PDGFRB: variants seen among roughly 807,000 people sequenced by gnomAD.
PDGFRB encodes platelet-derived growth factor receptor beta.
In PDGFRB, 42 loss-of-function variants were observed where a neutral mutation model predicts 120.2. That is an observed-to-expected ratio of 0.35 (90% CI 0.27 to 0.45). The LOEUF (loss-of-function observed/expected upper bound fraction) is 0.45. Among genes scored for constraint, PDGFRB ranks in the 20% least tolerant of loss-of-function variants. PDGFRB has a pLI of 1.00. For missense variants in PDGFRB, 1,149 were observed against 1,476.3 expected (o/e 0.78, Z 3.63); for synonymous variants, 586 against 606.8 (o/e 0.97, Z 0.50).
At chr5:150,138,036 AAGAC>A (rs1198226159) in intron 1 of PDGFRB, among the ~76,000 whole-genome samples, 1 of 146,860 alleles carries the variant, frequency 6.8e-6, no homozygotes, top group Non-Finnish European at 1.5e-5. Context: ...AGCAAGGACA[AAGAC>A]AGAGACAGAC....
At position 150,118,882 on chromosome 5, in the gene PDGFRB, T is replaced by TG. The variant is rs759710799; in HGVS notation, c.2799-31dup. 10 of 1,403,256 alleles carry TG rather than the reference T, an allele frequency of 7.1e-6. No homozygotes were observed. In the African/African-American group the frequency reaches 1.4e-4, roughly 20 times the overall value. 86.9% of individuals were successfully genotyped at this position (1,403,256 alleles called of 1,614,324 possible). ...GGATAGGGAGAAGGGTCAGGGCCTC[T>TG]GGCCCAGGGTTCAGGGGACAAGGCA... On this transcript the variant is annotated intron_variant, in intron 20 of 22. Coordinates refer to ENST00000261799, the MANE Select transcript of PDGFRB (RefSeq NM_002609.4).
intron 11 of PDGFRB, 64 bp from the exon 12 acceptor site, chr5:150,125,641 TCGTC>T: frequency 6.4e-7 from 1 of 1,560,116 alleles, no homozygotes; most frequent in Non-Finnish European, 8.8e-7. Context: ...CCCATTAGGT[TCGTC>T]CGTCTAGGAC....
chr5:150,117,610 G>T lies in PDGFRB; in HGVS notation c.3137+8C>A, dbSNP rs779978147. 30 of 1,533,876 alleles carry T rather than the reference G, an allele frequency of 2.0e-5. No homozygotes were observed. Among genetic ancestry groups the T allele is most frequent in the Non-Finnish European group, 4.5e-6 (5 of 1,108,214 alleles). On this transcript the variant is annotated splice_region_variant and intron_variant, in intron 22 of 22. Coordinates refer to ENST00000261799, the MANE Select transcript of PDGFRB (RefSeq NM_002609.4). ...ACAATTTCCTTGGCCCCAGGCCAGG[G>T]TGGTTACCTGGCTAGGCTGGGGGAA...
intron 1 of PDGFRB, among the ~76,000 whole-genome samples, chr5:150,151,861 CA>C (rs57873398): frequency 0.24 from 17,557 of 74,420 alleles, 1,174 homozygotes; most frequent in East Asian, 0.46. Context: ...GACTCCATCT[CA>C]AAAAAAAAAA....
At chr5:150,130,103 C>A in intron 9 of PDGFRB, 135 bp from the exon 10 acceptor site, 1 of 710,412 alleles carries the variant, frequency 1.4e-6, no homozygotes, top group Non-Finnish European at 2.5e-6. Context: ...CGGGCTCCTC[C>A]TGTGCTCCCT....
At chr5:150,124,127 C>T (rs1039676152) in intron 14 of PDGFRB, 123 bp downstream of exon 14, 12 of 579,976 alleles carry the variant, frequency 2.1e-5, no homozygotes, top group South Asian at 5.4e-5. Flanking sequence ...GGCGCTGGAG[C>T]GGGTGGGCAC....
rs754878887 is a variant in PDGFRB at position 150,129,740 on chromosome 5, T to G, written c.1579+17A>C. 1 of 1,601,618 alleles carries G rather than the reference T, an allele frequency of 6.2e-7. No homozygotes were observed. Among genetic ancestry groups the G allele is most frequent in the East Asian group, 2.2e-5 (1 of 44,794 alleles). ...AGGGATTGGGATCGTCAGGGGCCAC[T>G]GAGGCTGGGGACTCACAGTGTGGCA... On this transcript the variant is annotated intron_variant, in intron 10 of 22. Coordinates refer to ENST00000261799, the MANE Select transcript of PDGFRB (RefSeq NM_002609.4).
At chr5:150,139,553 G>C (rs1201485909) in intron 1 of PDGFRB, among the ~76,000 whole-genome samples, 2 of 152,182 alleles carry the variant, frequency 1.3e-5, no homozygotes, top group South Asian at 2.1e-4. Context: ...CCTGAGGCTA[G>C]AGTCACATAA....
rs1231735690 is a variant in PDGFRB at position 150,125,490 on chromosome 5, G to A, written c.1762C>T (p.Pro588Ser). The change falls in exon 12 of 23, where the codon CCC (proline) becomes TCC (serine). Residue 588 changes from proline to serine, a missense_variant. Transcript: ENST00000261799. ...GGCAGCTCCCACGTGGAGTCATAGG[G>A]CAGCTGCATGGGGTCCACGTAGATG... ...EYIYVDPMQL[P>S]YDSTWELPRD... 15 of 1,613,476 alleles carry A rather than the reference G, an allele frequency of 9.3e-6. No homozygotes were observed. Among genetic ancestry groups the A allele is most frequent in the Non-Finnish European group, 1.2e-5 (14 of 1,179,488 alleles).
intron 1 of PDGFRB, among the ~76,000 whole-genome samples, chr5:150,143,263 A>G (rs1580817601): frequency 6.6e-6 from 1 of 152,370 alleles, no homozygotes; most frequent in East Asian, 1.9e-4. Context: ...GGTAACTGAA[A>G]CTTCAGAAAG....
intron 11 of PDGFRB, 66 bp downstream of exon 11, chr5:150,126,453 GA>G: frequency 1.1e-6 from 1 of 874,688 alleles, no homozygotes; most frequent in Non-Finnish European, 2.0e-6. Context: ...AAGGAGGGCA[GA>G]GGGGTGGAAT....
At chr5:150,118,351 G>A (rs575478183) in intron 21 of PDGFRB, among the ~76,000 whole-genome samples, 1 of 152,274 alleles carries the variant, frequency 6.6e-6, no homozygotes, top group East Asian at 1.9e-4. Context: ...GGCCCTACTG[G>A]CTCTTTGGGC....
Position 150,123,103 on chromosome 5 carries a change from G to T in PDGFRB, c.2122C>A (p.Arg708Ser). 1 of 1,613,934 alleles carries T rather than the reference G, an allele frequency of 6.2e-7. No homozygotes were observed. Among genetic ancestry groups the T allele is most frequent in the Non-Finnish European group, 8.5e-7 (1 of 1,179,986 alleles). The part of the protein sequence containing the change: ...HTFLQHHSDK[R>S]RPPSAELYSN... ...TAGAGCTCCGCGCTGGGCGGGCGGC[G>T]CTTGTCGGAGTGGTGCTGCAGGAAG... The change falls in exon 15 of 23, where the codon CGC becomes AGC. Residue 708 changes from arginine to serine, a missense_variant. Transcript: ENST00000261799.
At chr5:150,126,636 G>A in intron 10 of PDGFRB, 22 bp from the exon 11 acceptor site, 1 of 1,372,378 alleles carries the variant, frequency 7.3e-7, no homozygotes. Context: ...GATGAGAGCA[G>A]GCCATGAGCA....
In PDGFRB at chr5:150,132,979, G is replaced by GCCCC; in HGVS notation, c.935-38_935-37insGGGG. The GCCCC allele has an allele frequency of 1.4e-6, 2 of 1,443,484 alleles. No homozygotes were observed. Among genetic ancestry groups the GCCCC allele is most frequent in the Non-Finnish European group, 9.5e-7 (1 of 1,057,742 alleles). 89.4% of individuals were successfully genotyped at this position (1,443,484 alleles called of 1,614,324 possible). On this transcript the variant is annotated intron_variant, in intron 6 of 22. Coordinates refer to ENST00000261799, the MANE Select transcript of PDGFRB (RefSeq NM_002609.4). This position sits in a 1 kb window ranked among gnomAD's most constrained non-coding sequence, Gnocchi z 5.0. ...GACCGTCAGGGGCGGGGCCCTGGGGGCAGGGCACCAACTGAATCCCAAAGG... is the reference window on the plus strand; with the variant it reads ...GACCGTCAGGGGCGGGGCCCTGGGGGCCCCCAGGGCACCAACTGAATCCCAAAGG...
At chr5:150,141,754 A>ATGTG (rs58579903) in intron 1 of PDGFRB, among the ~76,000 whole-genome samples, 194 of 151,406 alleles carry the variant, frequency 1.3e-3, no homozygotes, top group African/African-American at 3.8e-3. Context: ...GCAGAAGTGT[A>ATGTG]TGTGTGTGTG....
At chr5:150,147,031 A>C (rs1267459055) in intron 1 of PDGFRB, among the ~76,000 whole-genome samples, 1 of 152,118 alleles carries the variant, frequency 6.6e-6, no homozygotes, top group Non-Finnish European at 1.5e-5. Context: ...CTGAGGAGAG[A>C]GTTTTTGCTT....
At chr5:150,118,390 T>G (rs1188890504) in intron 21 of PDGFRB, among the ~76,000 whole-genome samples, 1 of 152,076 alleles carries the variant, frequency 6.6e-6, no homozygotes, top group South Asian at 2.1e-4. Flanking sequence ...AGGATCCAAG[T>G]GGTCAGGCGG....
chr5:150,136,061 C>T (rs1760622347), intron 2 of PDGFRB, among the ~76,000 whole-genome samples, 183 bp from the exon 3 acceptor site: 1 of 152,224 alleles, frequency 6.6e-6, no homozygotes, highest in African/African-American at 2.4e-5. Flanking sequence ...TCCAAGGCCC[C>T]AGGGATTCCT....
Sources: allele counts gnomAD v4.1 joint callset (sites outside exome capture counted in the v4.1 genomes callset), GRCh38; gene constraint gnomAD v4.1.1; non-coding constraint Gnocchi (gnomAD v3.1); transcripts MANE v1.5; gene names NCBI Gene and HGNC (gene_info 2026-07-23, HGNC 2026-07-21).